VAPB: variants seen among roughly 807,000 people sequenced by gnomAD.
The protein encoded by VAPB is vesicle-associated membrane protein-associated protein B/C.
A neutral mutation model predicts 25.6 loss-of-function variants in VAPB; 7 were observed. The observed-to-expected ratio is 0.27, with a 90% CI of 0.16 to 0.51. The LOEUF (loss-of-function observed/expected upper bound fraction) is 0.51, where lower values mean the gene tolerates loss of function less well. Among genes scored for constraint, VAPB ranks in the 20% least tolerant of loss-of-function variants. The probability of loss-of-function intolerance (pLI) is 0.97; values close to 1 mark genes in which losing one functional copy is unlikely to be tolerated. For synonymous variants in VAPB, 112 were observed against 109.2 expected, an observed-to-expected ratio of 1.03 and a Z score of -0.16; for missense variants, 266 against 301.3, an observed-to-expected ratio of 0.88 and a Z score of 0.87.
chr20:58,413,782 C>A (rs1254998872), intron 1 of VAPB, among the ~76,000 whole-genome samples: 2 of 149,692 alleles, frequency 1.3e-5, no homozygotes, highest in African/African-American at 4.9e-5. Flanking sequence ...GGGCTGACCT[C>A]CCCACCTCCC....
At chr20:58,411,561 C>T (rs952268183) in intron 1 of VAPB, among the ~76,000 whole-genome samples, 4 of 152,214 alleles carry the variant, frequency 2.6e-5, no homozygotes, top group Admixed American at 6.5e-5. Context: ...CGTGAGCCAC[C>T]GCACCCGGCC....
chr20:58,398,511 G>A (rs1362244033), intron 1 of VAPB, among the ~76,000 whole-genome samples: 2 of 152,186 alleles, frequency 1.3e-5, no homozygotes, highest in African/African-American at 4.8e-5. Context: ...TGGGGACCTG[G>A]GAGGAAGGCC....
rs1989238352 is a variant in VAPB, at chr20:58,444,656, A to G, written c.*421A>G. The G allele has an allele frequency of 2.2e-6, 1 of 454,694 alleles. No homozygotes were observed. Among genetic ancestry groups the G allele is most frequent in the Non-Finnish European group, 4.4e-6 (1 of 227,194 alleles). The allele number at this position is 454,694 out of a possible 1,614,324, so 28.2% of individuals were successfully genotyped here. A position where few individuals can be genotyped will look rare whatever the true frequency, so the allele number is the denominator to read the frequency against. On this transcript the variant is annotated 3_prime_UTR_variant, in exon 6 of 6. Transcript: ENST00000475243. ...CATGCTGGGGAGTGCGGTCAGCTCC[A>G]CACAGTAGTCCCCACGTGGCCCACT... is the stretch of plus-strand genomic sequence containing the variant.
chr20:58,440,856 T>G (rs762421026), intron 4 of VAPB, 51 bp from the exon 5 acceptor site: 1 of 1,580,094 alleles, frequency 6.3e-7, no homozygotes, highest in Non-Finnish European at 8.6e-7. Context: ...CATAAAAAAG[T>G]CCATTATTAC....
intron 1 of VAPB, among the ~76,000 whole-genome samples, chr20:58,399,874 T>C (rs994477758): frequency 6.6e-6 from 1 of 152,182 alleles, no homozygotes; most frequent in African/African-American, 2.4e-5. Flanking sequence ...CCCCACTCTC[T>C]GCTCCAAGTC....
chr20:58,395,236 C>G (rs1210932195), intron 1 of VAPB, among the ~76,000 whole-genome samples: 1 of 150,866 alleles, frequency 6.6e-6, no homozygotes, highest in East Asian at 1.9e-4. Flanking sequence ...ACTGCAACCT[C>G]CGCCTCCTGG....
chr20:58,449,661 G>C lies in VAPB; in HGVS notation c.*5426G>C, dbSNP rs1018837826. 3 of 454,090 alleles carry C rather than the reference G, an allele frequency of 6.6e-6. No homozygotes were observed. Among genetic ancestry groups the C allele is most frequent in the African/African-American group, 2.0e-5 (1 of 50,140 alleles). The allele number at this position is 454,090 out of a possible 1,614,324, so 28.1% of individuals were successfully genotyped here. ...GTGGGAGAATCGCTTTCTGCTGCTAGATAAATGCTGATGTTTATTTTTAAA... is the reference window on the plus strand; with the variant it reads ...GTGGGAGAATCGCTTTCTGCTGCTACATAAATGCTGATGTTTATTTTTAAA... On this transcript the variant is annotated 3_prime_UTR_variant, in exon 6 of 6. Transcript: ENST00000475243.
chr20:58,441,113 A>C (rs1376480659), intron 5 of VAPB, 30 bp downstream of exon 5: 1 of 1,611,458 alleles, frequency 6.2e-7, no homozygotes, highest in South Asian at 1.1e-5. Context: ...TAATCTACAG[A>C]AAACAAGGGC....
chr20:58,405,839 C>A lies in VAPB; in HGVS notation c.59-12372C>A, dbSNP rs539926558. ...GATCTCACTCGGCTCACTGTAACCT[C>A]CCCCTCCCAGTTCAAGCAATTCTCC... On this transcript the variant is annotated intron_variant, in intron 1 of 5. Transcript: ENST00000475243. Among the ~76,000 whole-genome samples the A allele has an allele frequency of 6.3e-5, 9 of 143,800 alleles. No individual in the cohort carries two copies. The East Asian group carries it at 2.0e-3, about 31-fold the overall frequency. 94.3% of individuals were successfully genotyped at this position (143,800 alleles called of 152,430 possible). A position where few individuals can be genotyped will look rare whatever the true frequency, so the allele number is the denominator to read the frequency against.
In VAPB at chr20:58,447,697, C is replaced by T. The variant is rs1343506523; in HGVS notation, c.*3462C>T. ...ATGTGTGCATGTGTGGCATATGTGC[C>T]GTATGTCAGTAGCTTGACAGTTTTC... On this transcript the variant is annotated 3_prime_UTR_variant, in exon 6 of 6. Coordinates refer to ENST00000475243, the MANE Select transcript of VAPB (RefSeq NM_004738.5). The T allele has an allele frequency of 6.6e-6, 3 of 453,494 alleles. No individual in the cohort carries two copies. The highest frequency in any genetic ancestry group is 1.4e-4 in the East Asian group (2 of 14,374). The allele number at this position is 453,494 out of a possible 1,614,324, so 28.1% of individuals were successfully genotyped here.
Position 58,446,373 on chromosome 20 carries a change from CT to C in VAPB, c.*2140del, listed in dbSNP as rs1405823809. On this transcript the variant is annotated 3_prime_UTR_variant, in exon 6 of 6. Transcript: ENST00000475243. ...CCCTCATGTCTTTGATAGGAGAGTG[CT>C]TAGGTGGTCCCCAACAGTGCCTAGG... The C allele has an allele frequency of 2.2e-6, 1 of 453,948 alleles. No individual in the cohort carries two copies. Among genetic ancestry groups the C allele is most frequent in the East Asian group, 6.9e-5 (1 of 14,406 alleles). The allele number at this position is 453,948 out of a possible 1,614,324, so 28.1% of individuals were successfully genotyped here.
At chr20:58,411,454 G>A (rs905756575) in intron 1 of VAPB, among the ~76,000 whole-genome samples, 3 of 151,834 alleles carry the variant, frequency 2.0e-5, no homozygotes, top group African/African-American at 7.3e-5. Flanking sequence ...GCTACTTTTT[G>A]TATTTTCAGT....
At chr20:58,434,488 A>G in intron 2 of VAPB, 114 bp from the exon 3 acceptor site, 1 of 705,904 alleles carries the variant, frequency 1.4e-6, no homozygotes, top group East Asian at 2.7e-5. Flanking sequence ...CGTCCATCCT[A>G]AGACATAAGA....
chr20:58,442,254 A>G (rs547939332), intron 5 of VAPB, among the ~76,000 whole-genome samples: 1 of 152,258 alleles, frequency 6.6e-6, no homozygotes, highest in African/African-American at 2.4e-5. Context: ...CTTTGCAGTG[A>G]TTTTGATTTG....
intron 1 of VAPB, among the ~76,000 whole-genome samples, chr20:58,413,135 CCTT>C (rs1360713171): frequency 1.3e-4 from 8 of 61,578 alleles, no homozygotes; most frequent in Non-Finnish European, 1.8e-4. Context: ...ATTGTATTTG[CCTT>C]CTTTTTTTTT....
At chr20:58,442,660 T>C (rs931726216) in intron 5 of VAPB, among the ~76,000 whole-genome samples, 2 of 152,242 alleles carry the variant, frequency 1.3e-5, no homozygotes, top group African/African-American at 2.4e-5. Flanking sequence ...GGGTCTAATA[T>C]GTGCCCGGCA....
intron 1 of VAPB, among the ~76,000 whole-genome samples, chr20:58,392,176 T>C (rs1987819374): frequency 6.6e-6 from 1 of 152,242 alleles, no homozygotes; most frequent in Non-Finnish European, 1.5e-5. Flanking sequence ...ATGGGGATGA[T>C]GCTCGTGTCC....
intron 3 of VAPB, among the ~76,000 whole-genome samples, chr20:58,437,793 G>A (rs1048565636): frequency 2.0e-5 from 3 of 152,142 alleles, no homozygotes; most frequent in Non-Finnish European, 4.4e-5. Flanking sequence ...ATGCTGTTCC[G>A]TTTAGTGGAT....
intron 1 of VAPB, among the ~76,000 whole-genome samples, chr20:58,392,036 C>G (rs896473787): frequency 6.6e-6 from 1 of 152,186 alleles, no homozygotes; most frequent in African/African-American, 2.4e-5. Context: ...AGTACAAACT[C>G]TGTTGTCTAA....
Sources: allele counts gnomAD v4.1 joint callset (sites outside exome capture counted in the v4.1 genomes callset), GRCh38; gene constraint gnomAD v4.1.1; transcripts MANE v1.5; gene names NCBI Gene and HGNC (gene_info 2026-07-23, HGNC 2026-07-21).